Variants in PLCE1 observed in about 807,000 individuals in gnomAD.
The protein encoded by PLCE1 is phospholipase C epsilon 1, also known as 1-phosphatidylinositol 4,5-bisphosphate phosphodiesterase epsilon-1.
PLCE1 carries 119 observed loss-of-function variants against 242.8 expected under a neutral mutation model. The observed-to-expected ratio is 0.49, with a 90% CI of 0.42 to 0.57. PLCE1 has a LOEUF of 0.57. Ranked by LOEUF, PLCE1 falls within the 20% of genes least tolerant of loss-of-function variation. The pLI, the probability that PLCE1 is intolerant of heterozygous loss-of-function variation, is 0.00. For missense variants in PLCE1, 2,441 were observed against 2,788.8 expected, an observed-to-expected ratio of 0.88 and a Z score of 2.81; for synonymous variants, 945 against 1,017.4, an observed-to-expected ratio of 0.93 and a Z score of 1.35.
chr10:94,173,000 C>A (rs923510498), intron 4 of PLCE1, among the ~76,000 whole-genome samples: 2 of 152,162 alleles, frequency 1.3e-5, no homozygotes, highest in African/African-American at 4.8e-5. Flanking sequence ...GTCCTGAACA[C>A]CAGTCTATCT....
At chr10:93,996,608 C>G (rs1433936130) in intron 1 of PLCE1, among the ~76,000 whole-genome samples, 1 of 152,198 alleles carries the variant, frequency 6.6e-6, no homozygotes, top group Non-Finnish European at 1.5e-5. Flanking sequence ...AAGGGCAGAA[C>G]TCTCTCTAGC....
chr10:94,085,567 C>T (rs1044629127), intron 2 of PLCE1, among the ~76,000 whole-genome samples: 3 of 152,200 alleles, frequency 2.0e-5, no homozygotes, highest in Non-Finnish European at 4.4e-5. Context: ...GGGTGTTCCA[C>T]ATGTCCATTG....
At chr10:94,229,204 A>AC (rs1019411167) in intron 5 of PLCE1, among the ~76,000 whole-genome samples, 30 of 151,660 alleles carry the variant, frequency 2.0e-4, no homozygotes, top group Middle Eastern at 6.8e-3. Flanking sequence ...AAACAAACAA[A>AC]AAAAAACAGA....
chr10:94,216,570 G>A (rs1451536801), intron 4 of PLCE1, among the ~76,000 whole-genome samples: 2 of 152,136 alleles, frequency 1.3e-5, no homozygotes, highest in Admixed American at 1.3e-4. Flanking sequence ...GGTATACCCT[G>A]ACTTTCTGGC....
At chr10:94,327,392 C>A (rs548985790) in intron 32 of PLCE1, among the ~76,000 whole-genome samples, 2 of 150,280 alleles carry the variant, frequency 1.3e-5, no homozygotes, top group South Asian at 4.2e-4. Context: ...GTCAGGAGTT[C>A]GAGACCAGCC....
At chr10:94,317,024 G>A (rs549716035) in intron 29 of PLCE1, among the ~76,000 whole-genome samples, 1 of 152,310 alleles carries the variant, frequency 6.6e-6, no homozygotes, top group South Asian at 2.1e-4. Context: ...GCCGAGGTGG[G>A]TGGATCACTT....
At chr10:94,252,014 A>G (rs775685760) in intron 8 of PLCE1, among the ~76,000 whole-genome samples, 3 of 152,164 alleles carry the variant, frequency 2.0e-5, no homozygotes, top group African/African-American at 7.2e-5. Flanking sequence ...GAATTTTCCT[A>G]CAGTGGTAGT....
chr10:94,287,625 C>T (rs1340579305), intron 22 of PLCE1: 1 of 151,948 alleles, frequency 6.6e-6, no homozygotes, highest in African/African-American at 2.4e-5. Context: ...GCTCTTTGCA[C>T]CACACTATGG....
chr10:94,224,804 G>A (rs943651046), intron 4 of PLCE1, among the ~76,000 whole-genome samples: 9 of 152,216 alleles, frequency 5.9e-5, no homozygotes, highest in African/African-American at 1.9e-4. Context: ...TTTCACAAAG[G>A]TGACTTTTAA....
At chr10:94,323,122 C>T (rs2053881925) in intron 30 of PLCE1, among the ~76,000 whole-genome samples, 1 of 152,106 alleles carries the variant, frequency 6.6e-6, no homozygotes, top group African/African-American at 2.4e-5. Flanking sequence ...AATACCTAAG[C>T]CAGTAGGTAC....
chr10:94,085,301 T>C (rs1013162389), intron 2 of PLCE1, among the ~76,000 whole-genome samples: 6 of 152,146 alleles, frequency 3.9e-5, no homozygotes, highest in African/African-American at 1.2e-4. Context: ...GGCTAATTAG[T>C]AAGCTAACCA....
At chr10:94,279,466 T>C (rs1411731902) in intron 19 of PLCE1, 1 of 400,216 alleles carries the variant, frequency 2.5e-6, no homozygotes, top group African/African-American at 2.0e-5. Flanking sequence ...CACTTGGGAT[T>C]GATGCTGGTT....
In PLCE1 at chr10:94,218,306, A is replaced by G. The variant is rs370685255; in HGVS notation, c.1810-9000A>G. On this transcript the variant is annotated intron_variant, in intron 4 of 32. Coordinates refer to ENST00000371380, the MANE Select transcript of PLCE1 (RefSeq NM_016341.4). Reference sequence around the variant, plus strand: ...TTTAAAAATATTATAACCAGATGACATCTTAGTGATTATTCAATTTATGTT... The same window carrying G: ...TTTAAAAATATTATAACCAGATGACGTCTTAGTGATTATTCAATTTATGTT... 1.8e-4 allele frequency among the ~76,000 whole-genome samples: 27 copies of G among 152,254 alleles called. No individual in the cohort carries two copies. The East Asian group carries it at 2.5e-3, about 14-fold the overall frequency.
chr10:94,254,790 G>A (rs2051005750), intron 10 of PLCE1, 103 bp from the exon 11 acceptor site: 3 of 1,289,122 alleles, frequency 2.3e-6, no homozygotes, highest in African/African-American at 1.5e-5. Context: ...CAGCTGCATA[G>A]GTTGATTTGC....
At position 94,246,161 on chromosome 10, in the gene PLCE1, G is replaced by C; in HGVS notation, c.2636G>C (p.Arg879Pro). The change falls in exon 8 of 33, where the codon CGC becomes CCC. Residue 879 changes from arginine (R) to proline (P), a missense_variant. Transcript: ENST00000371380. ...HYDQDTHLSARCFLQLQPDNS... is the reference protein window; with the variant it reads ...HYDQDTHLSAPCFLQLQPDNS... ...GACCAGGACACACACCTCTCTGCCCGCTGCTTCCTCCAGCTTCAGCCCGAC... is the reference window on the plus strand; with the variant it reads ...GACCAGGACACACACCTCTCTGCCCCCTGCTTCCTCCAGCTTCAGCCCGAC... 6.2e-7 allele frequency: 1 copy of C among 1,614,062 alleles called. No homozygotes were observed. Among genetic ancestry groups the C allele is most frequent in the Non-Finnish European group, 8.5e-7 (1 of 1,179,994 alleles).
intron 2 of PLCE1, among the ~76,000 whole-genome samples, chr10:94,059,284 G>T (rs1294220061): frequency 6.6e-6 from 1 of 152,184 alleles, no homozygotes; most frequent in Non-Finnish European, 1.5e-5. Flanking sequence ...TCAGAAGAGA[G>T]AATTGCCACA....
At chr10:94,091,673 A>G (rs1423197109) in intron 2 of PLCE1, among the ~76,000 whole-genome samples, 1 of 152,178 alleles carries the variant, frequency 6.6e-6, no homozygotes, top group African/African-American at 2.4e-5. Flanking sequence ...CATGAAACAG[A>G]GTATTAGAGT....
At chr10:94,307,013 C>T (rs371681008) in intron 26 of PLCE1, among the ~76,000 whole-genome samples, 3 of 152,150 alleles carry the variant, frequency 2.0e-5, no homozygotes, top group East Asian at 1.9e-4. Context: ...GGAGAGGAAA[C>T]ATGTCAGAGG....
intron 1 of PLCE1, among the ~76,000 whole-genome samples, chr10:94,019,187 G>A (rs936911486): frequency 6.6e-6 from 1 of 152,154 alleles, no homozygotes; most frequent in Non-Finnish European, 1.5e-5. Flanking sequence ...GATGAAGGCA[G>A]GATATGAACC....
Sources: allele counts gnomAD v4.1 joint callset (sites outside exome capture counted in the v4.1 genomes callset), GRCh38; gene constraint gnomAD v4.1.1; transcripts MANE v1.5; gene names NCBI Gene and HGNC (gene_info 2026-07-23, HGNC 2026-07-21).